The following GRIA4 variants were observed in gnomAD, a reference collection of about 807,000 sequenced individuals.
The protein encoded by GRIA4 is glutamate ionotropic receptor AMPA type subunit 4.
In GRIA4, 34 loss-of-function variants were observed where a neutral mutation model predicts 104.0. The observed-to-expected ratio is 0.33, with a 90% CI of 0.25 to 0.44. GRIA4 has a LOEUF of 0.44. Ranked by LOEUF, GRIA4 falls within the 20% of genes least tolerant of loss-of-function variation. The pLI, the probability that GRIA4 is intolerant of heterozygous loss-of-function variation, is 1.00. For synonymous variants in GRIA4, 386 were observed against 381.9 expected (o/e 1.01, Z -0.13); for missense variants, 750 against 1,096.5 (o/e 0.68, Z 4.46).
intron 5 of GRIA4, among the ~76,000 whole-genome samples, chr11:105,869,749 G>C (rs1023505531): frequency 4.6e-5 from 7 of 152,000 alleles, no homozygotes; most frequent in Admixed American, 6.6e-5. Context: ...CAAATGAAGT[G>C]CTACATTGTT....
chr11:105,918,986 A>G, intron 11 of GRIA4, 68 bp downstream of exon 11: 1 of 916,822 alleles, frequency 1.1e-6, no homozygotes, highest in East Asian at 2.5e-5. Context: ...TTGGGCACAT[A>G]ACAATTTTTA....
intron 3 of GRIA4, among the ~76,000 whole-genome samples, chr11:105,718,859 G>T (rs993416064): frequency 6.6e-6 from 1 of 152,084 alleles, no homozygotes; most frequent in South Asian, 2.1e-4. Flanking sequence ...GCTTGCTGAG[G>T]CTCCTTGAGC....
At chr11:105,869,250 T>A (rs1017292687) in intron 5 of GRIA4, among the ~76,000 whole-genome samples, 3 of 152,126 alleles carry the variant, frequency 2.0e-5, no homozygotes, top group African/African-American at 7.2e-5. Context: ...CTGGGAAGAA[T>A]CATGAATTCT....
chr11:105,945,591 T>A (rs1948287021), intron 14 of GRIA4: 2 of 245,986 alleles, frequency 8.1e-6, no homozygotes. Context: ...TTTTTCTTTA[T>A]ACATTTATAT....
chr11:105,627,981 A>G (rs968313787), intron 3 of GRIA4, among the ~76,000 whole-genome samples: 1 of 152,208 alleles, frequency 6.6e-6, no homozygotes, highest in Non-Finnish European at 1.5e-5. Flanking sequence ...TTGCCACTCA[A>G]TCACATATTA....
At chr11:105,735,983 G>C (rs116214124) in intron 3 of GRIA4, among the ~76,000 whole-genome samples, 2,200 of 152,212 alleles carry the variant, frequency 0.014, 54 homozygotes, top group African/African-American at 0.05. Context: ...AAAACTGTCA[G>C]TTCTAGACAA....
chr11:105,781,247 G>A (rs975474793), intron 4 of GRIA4, among the ~76,000 whole-genome samples: 18 of 151,930 alleles, frequency 1.2e-4, no homozygotes, highest in South Asian at 2.1e-4. Flanking sequence ...TTTCCCCCAG[G>A]ACCCCATTCT....
chr11:105,910,394 G>A, intron 9 of GRIA4, 41 bp from the exon 10 acceptor site: 2 of 946,886 alleles, frequency 2.1e-6, no homozygotes, highest in Non-Finnish European at 3.5e-6. Flanking sequence ...TAGAGTAAAT[G>A]CTTCTAAAAT....
At chr11:105,949,302 T>C (rs1391601780) in intron 14 of GRIA4, among the ~76,000 whole-genome samples, 1 of 152,204 alleles carries the variant, frequency 6.6e-6, no homozygotes, top group South Asian at 2.1e-4. Flanking sequence ...TTAGTTGCCT[T>C]AGTTGAAGGA....
chr11:105,842,088 C>T (rs564702475), intron 4 of GRIA4, among the ~76,000 whole-genome samples: 1 of 152,064 alleles, frequency 6.6e-6, no homozygotes, highest in Non-Finnish European at 1.5e-5. Flanking sequence ...AGGGGAACAC[C>T]TGGTTTTCTG....
chr11:105,861,903 TAA>T, intron 4 of GRIA4, 119 bp from the exon 5 acceptor site: 1 of 650,106 alleles, frequency 1.5e-6, no homozygotes. Context: ...ACACAGACTT[TAA>T]GTTTCTAAGC....
intron 4 of GRIA4, among the ~76,000 whole-genome samples, chr11:105,754,664 G>C (rs1301121495): frequency 6.6e-6 from 1 of 152,132 alleles, no homozygotes; most frequent in Non-Finnish European, 1.5e-5. Flanking sequence ...TGCCATGCAT[G>C]TTTTCCAATT....
intron 4 of GRIA4, among the ~76,000 whole-genome samples, chr11:105,773,097 C>T (rs1006832115): frequency 9.9e-5 from 15 of 152,220 alleles, no homozygotes; most frequent in African/African-American, 3.4e-4. Context: ...TCAATTTCCT[C>T]CTCCACCTTC....
At chr11:105,953,276 T>A (rs1565362552) in intron 14 of GRIA4, among the ~76,000 whole-genome samples, 1 of 152,244 alleles carries the variant, frequency 6.6e-6, no homozygotes, top group Non-Finnish European at 1.5e-5. Context: ...TGTGTTTTCT[T>A]GATTAATAAA....
At chr11:105,664,136 A>G (rs1418477105) in intron 3 of GRIA4, among the ~76,000 whole-genome samples, 2 of 148,394 alleles carry the variant, frequency 1.3e-5, no homozygotes, top group African/African-American at 5.0e-5. Context: ...GCCGTGAAGA[A>G]TATAACACAG....
At chr11:105,765,142 T>C (rs2135726791) in intron 4 of GRIA4, among the ~76,000 whole-genome samples, 1 of 152,162 alleles carries the variant, frequency 6.6e-6, no homozygotes, top group East Asian at 1.9e-4. Flanking sequence ...CCGTATAATA[T>C]CAAAAAATGA....
At chr11:105,933,640 C>T (rs760433165) in intron 13 of GRIA4, 82 bp from the exon 14 acceptor site, 138 of 1,049,534 alleles carry the variant, frequency 1.3e-4, no homozygotes, top group Non-Finnish European at 1.8e-4. Context: ...TACTAAAACG[C>T]TTTATTCTTA....
intron 3 of GRIA4, among the ~76,000 whole-genome samples, chr11:105,676,866 A>G (rs1189428605): frequency 6.6e-6 from 1 of 151,766 alleles, no homozygotes; most frequent in Admixed American, 6.6e-5. Context: ...GAGTCCGTAC[A>G]TAATCCTGTC....
chr11:105,714,514 C>G (rs1200946200), intron 3 of GRIA4, among the ~76,000 whole-genome samples: 1 of 151,854 alleles, frequency 6.6e-6, no homozygotes, highest in East Asian at 1.9e-4. Context: ...ATTTTGTTGC[C>G]TAAATATTAT....
Sources: gnomAD v4.1 joint callset for allele counts (sites outside exome capture counted in the v4.1 genomes callset) on GRCh38, gnomAD v4.1.1 for gene constraint, MANE v1.5 for transcripts, NCBI Gene and HGNC (gene_info 2026-07-23, HGNC 2026-07-21) for gene names.